Variants in NSL1 observed in about 807,000 individuals in gnomAD.
NSL1 encodes the protein NSL1 component of MIS12 kinetochore complex.
Under a neutral mutation model 25.4 loss-of-function variants are expected in NSL1, and 11 were observed. The ratio of observed to expected loss-of-function variants is 0.43; its 90% confidence interval spans 0.27 to 0.72. The LOEUF (loss-of-function observed/expected upper bound fraction) is 0.72. NSL1 is among the 30% of genes least tolerant of loss of function. The pLI, the probability that NSL1 is intolerant of heterozygous loss-of-function variation, is 0.19. For missense variants in NSL1, 330 were observed against 342.7 expected (o/e 0.96, Z 0.29); for synonymous variants, 118 against 120.6 (o/e 0.98, Z 0.14).
At chr1:212,779,672 G>C (rs549351054) in intron 4 of NSL1, among the ~76,000 whole-genome samples, 1 of 112,978 alleles carries the variant, frequency 8.9e-6, no homozygotes, top group African/African-American at 3.5e-5. Flanking sequence ...CTGCCTGGCC[G>C]CCCCTACTGG....
At chr1:212,752,261 A>G (rs769444449) in intron 4 of NSL1, among the ~76,000 whole-genome samples, 1 of 152,194 alleles carries the variant, frequency 6.6e-6, no homozygotes, top group Non-Finnish European at 1.5e-5. Context: ...TTATTTATTT[A>G]TACATTTTTT....
chr1:212,764,884 A>G (rs962154348), intron 4 of NSL1, among the ~76,000 whole-genome samples: 3 of 150,844 alleles, frequency 2.0e-5, no homozygotes, highest in Non-Finnish European at 4.4e-5. Flanking sequence ...AAGAAAGAAA[A>G]AAAAAAGAAA....
At chr1:212,758,792 T>C (rs1659425313) in intron 4 of NSL1, among the ~76,000 whole-genome samples, 1 of 152,174 alleles carries the variant, frequency 6.6e-6, no homozygotes, top group Non-Finnish European at 1.5e-5. Flanking sequence ...CCAAAATTCA[T>C]ATGGAATTTG....
At chr1:212,753,493 C>G (rs1659161541) in intron 4 of NSL1, among the ~76,000 whole-genome samples, 1 of 152,142 alleles carries the variant, frequency 6.6e-6, no homozygotes, top group African/African-American at 2.4e-5. Flanking sequence ...CTAAACACAC[C>G]ACCCTAAAGC....
At position 212,727,415 on chromosome 1, in the gene NSL1, T is replaced by C. The variant is rs764646503; in HGVS notation, c.*10993A>G. Reference sequence around the variant, plus strand: ...CAGTCAAGTTAATGTTTCCAAAATATACTCCTTGTAACAGACATTACCTAA... The same window carrying C: ...CAGTCAAGTTAATGTTTCCAAAATACACTCCTTGTAACAGACATTACCTAA... On this transcript the variant is annotated 3_prime_UTR_variant, in exon 6 of 6. Transcript: ENST00000366977. 2.7e-4 allele frequency: 270 copies of C among 985,260 alleles called. No homozygotes were observed. The highest frequency in any genetic ancestry group is 2.9e-4 in the Non-Finnish European group (243 of 829,934). 61.0% of individuals were successfully genotyped at this position (985,260 alleles called of 1,614,324 possible).
chr1:212,740,082 T>A (rs1658434567), intron 4 of NSL1, among the ~76,000 whole-genome samples: 1 of 152,210 alleles, frequency 6.6e-6, no homozygotes, highest in African/African-American at 2.4e-5. Context: ...ATACATATTT[T>A]CTTCTTCCAA....
At chr1:212,787,160 C>CA (rs34594444) in intron 2 of NSL1, among the ~76,000 whole-genome samples, 28,394 of 117,464 alleles carry the variant, frequency 0.24, 3,175 homozygotes, top group African/African-American at 0.39. Flanking sequence ...GACTTCATCT[C>CA]AAAAAAAAAA....
At position 212,729,428 on chromosome 1, in the gene NSL1, G is replaced by A. The variant is rs1657916959; in HGVS notation, c.*8980C>T. On this transcript the variant is annotated 3_prime_UTR_variant, in exon 6 of 6. Coordinates refer to ENST00000366977, the MANE Select transcript of NSL1 (RefSeq NM_015471.4). ...TTCATCGAGTATGTGTGTAATAAAA[G>A]GTGTGGCTACGAAAAATCATTTTAC... is the stretch of plus-strand genomic sequence containing the variant. 1.0e-6 allele frequency: 1 copy of A among 985,222 alleles called. No homozygotes were observed. Among genetic ancestry groups the A allele is most frequent in the Non-Finnish European group, 1.2e-6 (1 of 829,746 alleles). The allele number at this position is 985,222 out of a possible 1,614,324, so 61.0% of individuals were successfully genotyped here.
chr1:212,736,017 C>G lies in NSL1; in HGVS notation c.*2391G>C. 1 of 985,390 alleles carries G rather than the reference C, an allele frequency of 1.0e-6. No individual in the cohort carries two copies. Among genetic ancestry groups the G allele is most frequent in the Non-Finnish European group, 1.2e-6 (1 of 829,916 alleles). 61.0% of individuals were successfully genotyped at this position (985,390 alleles called of 1,614,324 possible). A position where few individuals can be genotyped will look rare whatever the true frequency, so the allele number is the denominator to read the frequency against. On this transcript the variant is annotated 3_prime_UTR_variant, in exon 6 of 6. Coordinates refer to ENST00000366977, the MANE Select transcript of NSL1 (RefSeq NM_015471.4). Reference sequence around the variant, plus strand: ...TGACAGTGTTCTCTCTTCTTTGGGACTAGACTTAACCTTCTTGTGTTCTTC... The same window carrying G: ...TGACAGTGTTCTCTCTTCTTTGGGAGTAGACTTAACCTTCTTGTGTTCTTC...
chr1:212,773,651 T>C (rs189757664), intron 4 of NSL1, among the ~76,000 whole-genome samples: 50 of 151,964 alleles, frequency 3.3e-4, no homozygotes, highest in African/African-American at 1.1e-3. Context: ...AAACTAAAAA[T>C]AGAATTACCA....
At chr1:212,742,056 C>A (rs370282380) in intron 4 of NSL1, among the ~76,000 whole-genome samples, 9 of 152,286 alleles carry the variant, frequency 5.9e-5, no homozygotes, top group African/African-American at 1.7e-4. Flanking sequence ...CACCACCCCC[C>A]ACTTCAGAAC....
At position 212,783,831 on chromosome 1, in the gene NSL1, G is replaced by A. The variant is rs191651027; in HGVS notation, c.444+532C>T. Among the ~76,000 whole-genome samples the A allele has an allele frequency of 3.4e-3, 525 of 152,238 alleles. 7 individuals carry two copies. Among genetic ancestry groups the A allele is most frequent in the African/African-American group, 0.012 (502 of 41,532 alleles). ...GGCTCTGCTTGTCTAAAAAGCTCGTGCTGAAGGAGCTGAATTCCTGGTCTT... is the reference window on the plus strand; with the variant it reads ...GGCTCTGCTTGTCTAAAAAGCTCGTACTGAAGGAGCTGAATTCCTGGTCTT... On this transcript the variant is annotated intron_variant, in intron 3 of 5. Transcript: ENST00000366977.
rs3006242 is a variant in NSL1, at chr1:212,735,580, T to C, written c.*2828A>G. The C allele has an allele frequency of 0.9, 876,004 of 973,284 alleles. 394,313 individuals carry two copies. The highest frequency in any genetic ancestry group is 0.94 in the Admixed American group (15,278 of 16,252). 60.3% of individuals were successfully genotyped at this position (973,284 alleles called of 1,614,324 possible). A position where few individuals can be genotyped will look rare whatever the true frequency, so the allele number is the denominator to read the frequency against. Reference sequence around the variant, plus strand: ...TATGGACTCAATGTTTGTGTCCCCCTAAAATCTGTATGATGAAGCCTTAAC... The same window carrying C: ...TATGGACTCAATGTTTGTGTCCCCCCAAAATCTGTATGATGAAGCCTTAAC... On this transcript the variant is annotated 3_prime_UTR_variant, in exon 6 of 6. Coordinates refer to ENST00000366977, the MANE Select transcript of NSL1 (RefSeq NM_015471.4).
chr1:212,734,587 T>A lies in NSL1; in HGVS notation c.*3821A>T, dbSNP rs977701175. ...CCCAGAGGGAACCACCATGGCTTAG[T>A]TTTGCCCATTCTGTGATTCCATACA... On this transcript the variant is annotated 3_prime_UTR_variant, in exon 6 of 6. Coordinates refer to ENST00000366977, the MANE Select transcript of NSL1 (RefSeq NM_015471.4). 1.3e-5 allele frequency among the ~76,000 whole-genome samples: 2 copies of A among 152,182 alleles called. No homozygotes were observed. The highest frequency in any genetic ancestry group is 1.5e-5 in the Non-Finnish European group (1 of 68,036).
chr1:212,735,491 C>G lies in NSL1; in HGVS notation c.*2917G>C. The G allele has an allele frequency of 1.0e-6, 1 of 985,376 alleles. No individual in the cohort carries two copies. The highest frequency in any genetic ancestry group is 1.2e-6 in the Non-Finnish European group (1 of 829,914). 61.0% of individuals were successfully genotyped at this position (985,376 alleles called of 1,614,324 possible). A position where few individuals can be genotyped will look rare whatever the true frequency, so the allele number is the denominator to read the frequency against. On this transcript the variant is annotated 3_prime_UTR_variant, in exon 6 of 6. Transcript: ENST00000366977. Reference sequence around the variant, plus strand: ...TTGGTTTTATTCACTTTGTCCTCTACGGAGCCCAAGCCATAAAGGGCCAGG... The same window carrying G: ...TTGGTTTTATTCACTTTGTCCTCTAGGGAGCCCAAGCCATAAAGGGCCAGG...
chr1:212,782,338 GC>G (rs1558064074), intron 4 of NSL1, 33 bp downstream of exon 4: 1 of 1,476,442 alleles, frequency 6.8e-7, no homozygotes, highest in Non-Finnish European at 9.5e-7. Flanking sequence ...ATAAGCAGAT[GC>G]TTCATTTTTA....
chr1:212,786,142 AG>A (rs1348394935), intron 2 of NSL1, among the ~76,000 whole-genome samples: 1 of 151,010 alleles, frequency 6.6e-6, no homozygotes, highest in Non-Finnish European at 1.5e-5. Context: ...ATAGAGAGAG[AG>A]ACACACACAG....
At chr1:212,778,819 A>C (rs1432445821) in intron 4 of NSL1, among the ~76,000 whole-genome samples, 2 of 150,574 alleles carry the variant, frequency 1.3e-5, no homozygotes, top group Non-Finnish European at 3.0e-5. Flanking sequence ...CCCGGCCGCC[A>C]CCCCGTCTGG....
chr1:212,739,473 A>G (rs1300255422), intron 5 of NSL1, 61 bp downstream of exon 5: 3 of 1,492,610 alleles, frequency 2.0e-6, no homozygotes, highest in African/African-American at 1.4e-5. Context: ...TGAATGTTGA[A>G]TGCAAATACC....
Sources: allele counts gnomAD v4.1 joint callset (sites outside exome capture counted in the v4.1 genomes callset), GRCh38; gene constraint gnomAD v4.1.1; transcripts MANE v1.5; gene names NCBI Gene and HGNC (gene_info 2026-07-23, HGNC 2026-07-21).